Variants in KIF1B observed in about 807,000 individuals in gnomAD.
KIF1B encodes kinesin-like protein KIF1B.
In KIF1B, 76 loss-of-function variants were observed where a neutral mutation model predicts 241.9. The observed-to-expected ratio is 0.31, with a 90% confidence interval of 0.26 to 0.38. The LOEUF (loss-of-function observed/expected upper bound fraction) is 0.38, where lower values mean the gene tolerates loss of function less well. KIF1B is among the 10% of genes least tolerant of loss of function. KIF1B has a pLI of 1.00. For missense variants in KIF1B, 1,622 were observed against 2,271.4 expected, an observed-to-expected ratio of 0.71 and a Z score of 5.81; for synonymous variants, 750 against 796.7, an observed-to-expected ratio of 0.94 and a Z score of 0.99.
At chr1:10,229,688 C>G (rs1413554361) in intron 1 of KIF1B, among the ~76,000 whole-genome samples, 1 of 150,336 alleles carries the variant, frequency 6.7e-6, no homozygotes, top group Non-Finnish European at 1.5e-5. Flanking sequence ...AACCCCATCT[C>G]TACTAAAAAA....
intron 15 of KIF1B, among the ~76,000 whole-genome samples, chr1:10,287,009 G>C (rs1358598018): frequency 2.0e-5 from 3 of 152,152 alleles, no homozygotes; most frequent in Non-Finnish European, 2.9e-5. Context: ...ATGAGTTGAT[G>C]CTCCTGAGAC....
intron 22 of KIF1B, chr1:10,306,190 T>G (rs1650820953): frequency 1.9e-6 from 2 of 1,039,342 alleles, no homozygotes; most frequent in Non-Finnish European, 2.3e-6. Context: ...CTTTGAGAGA[T>G]ATTTTTGCTT....
chr1:10,275,569 C>T, intron 11 of KIF1B, 66 bp downstream of exon 11: 4 of 925,240 alleles, frequency 4.3e-6, no homozygotes, highest in African/African-American at 1.6e-5. Context: ...GGTTAATTGT[C>T]CTGTGTCTGT....
chr1:10,228,414 A>G (rs1209793767), intron 1 of KIF1B, among the ~76,000 whole-genome samples: 1 of 152,184 alleles, frequency 6.6e-6, no homozygotes, highest in Non-Finnish European at 1.5e-5. Context: ...ACTTTTAAAA[A>G]TCAATTTGCA....
Position 10,342,064 on chromosome 1 carries a change from C to G in KIF1B, c.3528C>G (p.Ile1176Met), listed in dbSNP as rs748616468. ...FYHVQNIAVE[I>M]TESFVDYIKT... ...CTTGGCTTTAGATTGCAGTGGAGAT[C>G]ACTGAATCATTTGTGGATTACATCA... Residue 1176 changes from isoleucine to methionine, a missense_variant, in exon 33 of 49, where the codon ATC (isoleucine) becomes ATG (methionine). By Grantham distance (10) the Ile-to-Met change is conservative. This residue lies in a region of KIF1B where 803 missense variants were observed against 1,112.0 expected (regional missense o/e 0.72). Coordinates refer to ENST00000676179, the MANE Select transcript of KIF1B (RefSeq NM_001365951.3). 15 of 1,605,588 alleles carry G rather than the reference C, an allele frequency of 9.3e-6. No homozygotes were observed. The South Asian group carries it at 1.4e-4, about 15-fold the overall frequency.
chr1:10,249,881 C>T (rs143431418), intron 2 of KIF1B, among the ~76,000 whole-genome samples: 2 of 152,192 alleles, frequency 1.3e-5, no homozygotes, highest in Admixed American at 6.5e-5. Context: ...CAGCCTAGGG[C>T]GACAGAGCAA....
intron 22 of KIF1B, among the ~76,000 whole-genome samples, chr1:10,311,947 G>A (rs1225631835): frequency 6.6e-6 from 1 of 151,438 alleles, no homozygotes; most frequent in African/African-American, 2.5e-5. Context: ...TGTGAGGTAG[G>A]TATTGCTTAT....
chr1:10,219,362 A>G (rs976541330), intron 1 of KIF1B, among the ~76,000 whole-genome samples: 3 of 152,108 alleles, frequency 2.0e-5, no homozygotes, highest in Non-Finnish European at 4.4e-5. Context: ...TGGGAGACTG[A>G]GGCAAGAGAA....
intron 22 of KIF1B, among the ~76,000 whole-genome samples, chr1:10,302,638 C>G (rs1353591984): frequency 6.6e-6 from 1 of 152,290 alleles, no homozygotes; most frequent in African/African-American, 2.4e-5. Flanking sequence ...TCCGCCTGCT[C>G]GTCACATCTT....
chr1:10,240,818 C>T (rs578137970), intron 2 of KIF1B, among the ~76,000 whole-genome samples: 1 of 146,124 alleles, frequency 6.8e-6, no homozygotes, highest in South Asian at 2.2e-4. Context: ...CCTACCTTGG[C>T]TTCCTAAAAT....
chr1:10,308,653 C>CT (rs1650941498), intron 22 of KIF1B: 1 of 1,006,784 alleles, frequency 9.9e-7, no homozygotes. Context: ...GTAATGCTAA[C>CT]TAAACCTGGT....
At chr1:10,371,390 G>A (rs1638728611) in intron 45 of KIF1B, 128 bp downstream of exon 45, 2 of 1,119,966 alleles carry the variant, frequency 1.8e-6, no homozygotes, top group East Asian at 2.6e-5. Flanking sequence ...AAATGTGTGG[G>A]AGCCTTTTTG....
chr1:10,225,492 G>T (rs992645333), intron 1 of KIF1B, among the ~76,000 whole-genome samples: 1 of 152,230 alleles, frequency 6.6e-6, no homozygotes, highest in East Asian at 1.9e-4. Context: ...AATAAAAAAA[G>T]TAATTTATTC....
At position 10,377,498 on chromosome 1, in the gene KIF1B, T is replaced by C; in HGVS notation, c.*911T>C. The stretch of plus-strand genomic sequence containing the variant: ...TTTTCTCTGTTGGGAGGGAAGCTCT[T>C]TTCTAGGAGTGTCTCAGTTCTGCTT... On this transcript the variant is annotated 3_prime_UTR_variant, in exon 49 of 49. Transcript: ENST00000676179. The C allele has an allele frequency of 4.4e-6, 1 of 227,514 alleles. No homozygotes were observed. Among genetic ancestry groups the C allele is most frequent in the Non-Finnish European group, 8.7e-6 (1 of 114,502 alleles). The allele number at this position is 227,514 out of a possible 1,614,324, so 14.1% of individuals were successfully genotyped here.
chr1:10,304,279 C>G, intron 22 of KIF1B: 1 of 1,614,150 alleles, frequency 6.2e-7, no homozygotes, highest in Non-Finnish European at 8.5e-7. Context: ...AGATCACATC[C>G]AAGTTAGCAA....
At chr1:10,349,230 G>A (rs1652699547) in intron 37 of KIF1B, among the ~76,000 whole-genome samples, 2 of 152,002 alleles carry the variant, frequency 1.3e-5, no homozygotes, top group African/African-American at 4.8e-5. Flanking sequence ...CTTGAGCCCA[G>A]GGGTTTGTGC....
rs12119075 is a variant in KIF1B at position 10,334,258 on chromosome 1, C to T, written c.2925-262C>T. 0.031 allele frequency among the ~76,000 whole-genome samples: 4,625 copies of T among 151,514 alleles called. 110 individuals are homozygous for T. The highest frequency in any genetic ancestry group is 0.046 in the Non-Finnish European group (3,093 of 67,914). ...TGAAAGTCTGCTTCCAGGTGTGACT[C>T]TTCTCCCTACAGTAGTTAAGTTTTA... On this transcript the variant is annotated intron_variant, in intron 27 of 48. Coordinates refer to ENST00000676179, the MANE Select transcript of KIF1B (RefSeq NM_001365951.3).
chr1:10,375,477 T>G, intron 48 of KIF1B, 104 bp downstream of exon 48: 1 of 887,094 alleles, frequency 1.1e-6, no homozygotes, highest in Non-Finnish European at 1.9e-6. Flanking sequence ...CTCCGCCCCC[T>G]GGTTCAAGCG....
intron 27 of KIF1B, among the ~76,000 whole-genome samples, chr1:10,333,449 T>C (rs1652034559): frequency 6.6e-6 from 1 of 152,088 alleles, no homozygotes; most frequent in South Asian, 2.1e-4. Context: ...CCCAGCACTT[T>C]GGAAGGCTGT....
Sources: gnomAD v4.1 joint callset for allele counts (sites outside exome capture counted in the v4.1 genomes callset) on GRCh38, gnomAD v4.1.1 for gene constraint, gnomAD v4.1.1 regional missense constraint, MANE v1.5 for transcripts, NCBI Gene and HGNC (gene_info 2026-07-23, HGNC 2026-07-21) for gene names.